GAPVD1: variants seen among roughly 807,000 people sequenced by gnomAD.
GAPVD1 encodes GTPase-activating protein and VPS9 domain-containing protein 1.
A neutral mutation model predicts 155.5 loss-of-function variants in GAPVD1; 35 were observed. The observed-to-expected ratio is 0.23, with a 90% CI of 0.17 to 0.30. The LOEUF is 0.30. GAPVD1 is among the 10% of genes least tolerant of loss of function. GAPVD1 has a pLI of 1.00. For synonymous variants in GAPVD1, 636 were observed against 619.7 expected (o/e 1.03, Z -0.39); for missense variants, 1,429 against 1,775.7 (o/e 0.80, Z 3.51).
At chr9:125,291,596 G>A (rs1178434413) in intron 2 of GAPVD1, among the ~76,000 whole-genome samples, 1 of 152,138 alleles carries the variant, frequency 6.6e-6, no homozygotes, top group African/African-American at 2.4e-5. Context: ...AGTAAGAAAA[G>A]ACTGTAGTAT....
At chr9:125,337,157 C>G (rs1847153705) in intron 16 of GAPVD1, 62 bp downstream of exon 16, 1 of 1,604,374 alleles carries the variant, frequency 6.2e-7, no homozygotes, top group South Asian at 1.1e-5. Flanking sequence ...ACCAAATCCC[C>G]TTGTTAATGC....
chr9:125,302,125 A>T lies in GAPVD1; in HGVS notation c.328A>T (p.Ile110Phe). The T allele has an allele frequency of 6.2e-7, 1 of 1,613,960 alleles. No homozygotes were observed. The highest frequency in any genetic ancestry group is 8.5e-7 in the Non-Finnish European group (1 of 1,179,962). ...LSRLRENPRL[I>F]ASSLVAGEKL... ...TCGATTGAGGGAAAATCCTCGTCTTATTGCCTCCTCTTTGGTTGCTGGAGA... is the reference window on the plus strand; with the variant it reads ...TCGATTGAGGGAAAATCCTCGTCTTTTTGCCTCCTCTTTGGTTGCTGGAGA... Residue 110 changes from isoleucine to phenylalanine, a missense_variant, in exon 5 of 28, where the codon ATT (isoleucine) becomes TTT (phenylalanine). Around this residue, in one of 4 missense-constraint regions of GAPVD1, gnomAD observed 628 missense variants for 733.4 expected, o/e 0.86. Coordinates refer to ENST00000297933, the MANE Select transcript of GAPVD1 (RefSeq NM_001282680.3).
chr9:125,351,929 T>A lies in GAPVD1; in HGVS notation c.3569+1057T>A, dbSNP rs143845985. ...CTAATTTTGTATTTTTTAGTAGAGATGGGATGTCACCATATTAGCCAGGCT... is the reference window on the plus strand; with the variant it reads ...CTAATTTTGTATTTTTTAGTAGAGAAGGGATGTCACCATATTAGCCAGGCT... On this transcript the variant is annotated intron_variant, in intron 23 of 27. Coordinates refer to ENST00000297933, the MANE Select transcript of GAPVD1 (RefSeq NM_001282680.3). Among the ~76,000 whole-genome samples, 901 of 152,162 alleles carry A rather than the reference T, an allele frequency of 5.9e-3. 15 individuals are homozygous for A. The highest frequency in any genetic ancestry group is 0.02 in the African/African-American group (845 of 41,520).
At chr9:125,264,945 C>G (rs933623478) in intron 1 of GAPVD1, among the ~76,000 whole-genome samples, 2 of 152,096 alleles carry the variant, frequency 1.3e-5, no homozygotes, top group African/African-American at 4.8e-5. Flanking sequence ...CTCGAACCTC[C>G]TGACCTTAAG....
At chr9:125,317,625 CAA>C (rs1204830778) in intron 9 of GAPVD1, among the ~76,000 whole-genome samples, 13 of 55,998 alleles carry the variant, frequency 2.3e-4, no homozygotes, top group Non-Finnish European at 3.5e-4. Flanking sequence ...AACTCTGTCT[CAA>C]AAAAAAAAAA....
chr9:125,348,763 A>G (rs1252201496), intron 20 of GAPVD1, among the ~76,000 whole-genome samples: 1 of 152,112 alleles, frequency 6.6e-6, no homozygotes, highest in African/African-American at 2.4e-5. Flanking sequence ...CCACCCACCA[A>G]AGCCTCCCAA....
intron 11 of GAPVD1, among the ~76,000 whole-genome samples, chr9:125,325,742 A>C (rs147407710): frequency 3.5e-4 from 54 of 152,260 alleles, no homozygotes; most frequent in African/African-American, 1.2e-3. Flanking sequence ...TCAGTGTATT[A>C]ATTAGGATTA....
chr9:125,358,575 G>C (rs1850453442), intron 25 of GAPVD1, among the ~76,000 whole-genome samples: 1 of 152,186 alleles, frequency 6.6e-6, no homozygotes, highest in African/African-American at 2.4e-5. Context: ...TATTTTTCAT[G>C]GAGATTTTCA....
rs759459665 is a variant in GAPVD1, at chr9:125,326,516, G to T, written c.1959G>T (p.Glu653Asp). The change falls in exon 12 of 28, where the codon GAG becomes GAT. Residue 653 changes from glutamate to aspartate, a missense_variant. Physicochemically the swap from Glu to Asp is conservative, Grantham distance 45. This residue lies in a region of GAPVD1 where 699 missense variants were observed against 826.0 expected (regional missense o/e 0.85). Transcript: ENST00000297933. ...GGGACATATCAGAAACAGTGAGTGA[G>T]ACCTGGAGTACAGACGTCTTGGGAA... ...DDRDISETVSETWSTDVLGSD... is the reference protein window; with the variant it reads ...DDRDISETVSDTWSTDVLGSD... 19 of 1,611,150 alleles carry T rather than the reference G, an allele frequency of 1.2e-5. No individual in the cohort carries two copies. The highest frequency in any genetic ancestry group is 3.4e-6 in the Non-Finnish European group (4 of 1,177,366).
chr9:125,346,395 T>A, intron 19 of GAPVD1: 2 of 217,546 alleles, frequency 9.2e-6, no homozygotes, highest in Non-Finnish European at 1.9e-5. Context: ...TTTAAAGGGG[T>A]TTAAGTCTAA....
chr9:125,342,060 C>T lies in GAPVD1; in HGVS notation c.2966-159C>T. Reference sequence around the variant, plus strand: ...AGGTTCTGAAAGTTCCTTTAAAAACCTTCATTACTATTTTAAGGACAATTA... The same window carrying T: ...AGGTTCTGAAAGTTCCTTTAAAAACTTTCATTACTATTTTAAGGACAATTA... On this transcript the variant is annotated intron_variant, in intron 18 of 27. Coordinates refer to ENST00000297933, the MANE Select transcript of GAPVD1 (RefSeq NM_001282680.3). 3 of 550,328 alleles carry T rather than the reference C, an allele frequency of 5.5e-6. No individual in the cohort carries two copies. In the Admixed American group the frequency reaches 9.8e-5, roughly 18 times the overall value. The allele number at this position is 550,328 out of a possible 1,614,324, so 34.1% of individuals were successfully genotyped here. A position where few individuals can be genotyped will look rare whatever the true frequency, so the allele number is the denominator to read the frequency against.
intron 9 of GAPVD1, among the ~76,000 whole-genome samples, chr9:125,312,890 A>G (rs968056132): frequency 6.6e-6 from 1 of 152,010 alleles, no homozygotes; most frequent in African/African-American, 2.4e-5. Context: ...GCACGATCTC[A>G]GCTCACTGCA....
At chr9:125,278,845 A>C (rs1447954898) in intron 2 of GAPVD1, among the ~76,000 whole-genome samples, 2 of 151,768 alleles carry the variant, frequency 1.3e-5, no homozygotes, top group Admixed American at 6.6e-5. Flanking sequence ...GAAAAAAAAA[A>C]ACAACAAAAC....
chr9:125,319,906 T>C (rs1269704819), intron 9 of GAPVD1, among the ~76,000 whole-genome samples: 1 of 152,182 alleles, frequency 6.6e-6, no homozygotes, highest in African/African-American at 2.4e-5. Flanking sequence ...CCAAAAAACC[T>C]GTATTTAAAG....
intron 1 of GAPVD1, among the ~76,000 whole-genome samples, chr9:125,265,925 A>AT (rs1833872138): frequency 7.6e-6 from 1 of 131,952 alleles, no homozygotes; most frequent in African/African-American, 2.9e-5. Context: ...AAAAATTTAT[A>AT]AAAAAAAAAA....
rs766651243 is a variant in GAPVD1 at position 125,302,226 on chromosome 9, A to T, written c.429A>T (p.Gln143His). 1.9e-6 allele frequency: 3 copies of T among 1,613,974 alleles called. No individual in the cohort carries two copies. The highest frequency in any genetic ancestry group is 2.5e-6 in the Non-Finnish European group (3 of 1,179,840). The change falls in exon 5 of 28, where the codon CAA becomes CAT. Residue 143 changes from glutamine (Q) to histidine (H), a missense_variant. Around this residue, in one of 4 missense-constraint regions of GAPVD1, gnomAD observed 628 missense variants for 733.4 expected, o/e 0.86. Coordinates refer to ENST00000297933, the MANE Select transcript of GAPVD1 (RefSeq NM_001282680.3). The stretch of plus-strand genomic sequence containing the variant: ...CCCTGTATGGCAATTGCATCATGCA[A>T]GAAGATGAAAGCTACCTCCTTCAGG... ...FTSLYGNCIM[Q>H]EDESYLLQVL...
intron 19 of GAPVD1, 81 bp downstream of exon 19, chr9:125,342,380 G>A (rs1022185067): frequency 2.8e-5 from 23 of 813,486 alleles, no homozygotes; most frequent in Middle Eastern, 2.2e-4. Flanking sequence ...TGCCATAAGC[G>A]TTGCCTTTCT....
At chr9:125,322,139 A>G (rs1435353104) in intron 10 of GAPVD1, among the ~76,000 whole-genome samples, 1 of 151,726 alleles carries the variant, frequency 6.6e-6, no homozygotes, top group Non-Finnish European at 1.5e-5. Context: ...ATCTCGGCTC[A>G]CTGCAAGCTC....
At chr9:125,307,293 T>G in intron 6 of GAPVD1, 120 bp from the exon 7 acceptor site, 3 of 643,564 alleles carry the variant, frequency 4.7e-6, no homozygotes, top group East Asian at 3.1e-5. Flanking sequence ...AAATTCAACA[T>G]CTTAAAAAAA....
Sources: gnomAD v4.1 joint callset for allele counts (sites outside exome capture counted in the v4.1 genomes callset) on GRCh38, gnomAD v4.1.1 for gene constraint, gnomAD v4.1.1 regional missense constraint, MANE v1.5 for transcripts, NCBI Gene and HGNC (gene_info 2026-07-23, HGNC 2026-07-21) for gene names.